Variants in CACNA2D4 observed in about 807,000 individuals in gnomAD.
CACNA2D4 encodes calcium voltage-gated channel auxiliary subunit alpha2delta 4, also known as voltage-dependent calcium channel subunit alpha-2/delta-4.
Under a neutral mutation model 163.8 loss-of-function variants are expected in CACNA2D4, and 157 were observed. The observed-to-expected ratio is 0.96, with a 90% CI of 0.84 to 1.09. CACNA2D4 has a LOEUF of 1.09. Among genes scored for constraint, CACNA2D4 ranks in the 50% least tolerant of loss-of-function variants. CACNA2D4 has a pLI of 0.00. For missense variants in CACNA2D4, 1,410 were observed against 1,479.9 expected (o/e 0.95, Z 0.78); for synonymous variants, 598 against 586.9 (o/e 1.02, Z -0.27).
chr12:1,916,165 G>A (rs1866972092), intron 1 of CACNA2D4, among the ~76,000 whole-genome samples: 1 of 152,108 alleles, frequency 6.6e-6, no homozygotes, highest in Non-Finnish European at 1.5e-5. Flanking sequence ...TTGACCTGAT[G>A]GTGTTGTTAC....
chr12:1,831,038 T>TGGCCTC, intron 26 of CACNA2D4: 1 of 1,614,090 alleles, frequency 6.2e-7, no homozygotes, highest in Non-Finnish European at 8.5e-7. Context: ...GCAGTGGCCT[T>TGGCCTC]GGCCTCACCA....
chr12:1,914,783 C>A, intron 2 of CACNA2D4, 71 bp downstream of exon 2: 1 of 1,017,418 alleles, frequency 9.8e-7, no homozygotes, highest in Non-Finnish European at 1.6e-6. Flanking sequence ...CTCACAGCAC[C>A]GGCATTTGGG....
In CACNA2D4 at chr12:1,834,619, C is replaced by T. The variant is rs1450877237; in HGVS notation, c.2551+6120G>A. On this transcript the variant is annotated intron_variant, in intron 26 of 37. Transcript: ENST00000382722. This position sits in a 1 kb window ranked among gnomAD's most constrained non-coding sequence, Gnocchi z 7.6. Reference sequence around the variant, plus strand: ...CTGCCTATGGCTGCATCTACGCCTCCCTCATGGCCAAGTACCACCGGGAGC... The same window carrying T: ...CTGCCTATGGCTGCATCTACGCCTCTCTCATGGCCAAGTACCACCGGGAGC... 2 of 1,600,122 alleles carry T rather than the reference C, an allele frequency of 1.2e-6. No homozygotes were observed. Among genetic ancestry groups the T allele is most frequent in the South Asian group, 1.1e-5 (1 of 91,084 alleles).
At chr12:1,860,292 C>G in intron 18 of CACNA2D4, 86 bp from the exon 19 acceptor site, 1 of 961,278 alleles carries the variant, frequency 1.0e-6, no homozygotes, top group Non-Finnish European at 1.6e-6. Flanking sequence ...TTGGGGTCTT[C>G]ATCGTCACTG....
chr12:1,863,021 A>C (rs1413793105), intron 18 of CACNA2D4, among the ~76,000 whole-genome samples: 1 of 152,188 alleles, frequency 6.6e-6, no homozygotes, highest in Non-Finnish European at 1.5e-5. Flanking sequence ...CAGGTTGAGA[A>C]GATTTTCCCC....
intron 6 of CACNA2D4, among the ~76,000 whole-genome samples, chr12:1,893,084 A>AT (rs1170932714): frequency 6.6e-6 from 1 of 152,224 alleles, no homozygotes; most frequent in East Asian, 1.9e-4. Context: ...TATGTAGATA[A>AT]TTTAGACAGA....
rs1286149842 is a variant in CACNA2D4 at position 1,802,661 on chromosome 12, G to T, written c.2722-1017C>A. Among the ~76,000 whole-genome samples, 1 of 152,222 alleles carries T rather than the reference G, an allele frequency of 6.6e-6. No individual in the cohort carries two copies. Among genetic ancestry groups the T allele is most frequent in the Non-Finnish European group, 1.5e-5 (1 of 68,034 alleles). On this transcript the variant is annotated intron_variant, in intron 29 of 37. Transcript: ENST00000382722. This position sits in a 1 kb window ranked among gnomAD's most constrained non-coding sequence, Gnocchi z 4.7. ...GGGGATAGCGTGTGTCCGGCGTGTG[G>T]CTCCCAGTAAATACTTGAAAAATGG...
rs1219141616 is a variant in CACNA2D4 at position 1,904,843 on chromosome 12, A to G, written c.781+2597T>C. ...AGTAATGCAGAAAATGATGGACAAA[A>G]AAGCTTAAGGCTTATAGAAAACAAA... On this transcript the variant is annotated intron_variant, in intron 6 of 37. Coordinates refer to ENST00000382722, the MANE Select transcript of CACNA2D4 (RefSeq NM_172364.5). 2.0e-5 allele frequency among the ~76,000 whole-genome samples: 3 copies of G among 152,240 alleles called. No individual in the cohort carries two copies. The East Asian group carries it at 5.8e-4, about 29-fold the overall frequency.
intron 6 of CACNA2D4, among the ~76,000 whole-genome samples, chr12:1,901,483 A>T (rs1304405340): frequency 6.6e-6 from 1 of 152,004 alleles, no homozygotes; most frequent in East Asian, 1.9e-4. Flanking sequence ...ACTTAAATAT[A>T]TAAAATCATA....
intron 13 of CACNA2D4, among the ~76,000 whole-genome samples, chr12:1,880,319 T>C (rs577341514): frequency 2.0e-5 from 3 of 152,340 alleles, no homozygotes; most frequent in Non-Finnish European, 2.9e-5. Context: ...AGGGAGGACA[T>C]TGACCCAGAG....
At chr12:1,858,710 G>T in intron 19 of CACNA2D4, 66 bp from the exon 20 acceptor site, 2 of 1,328,124 alleles carry the variant, frequency 1.5e-6, no homozygotes, top group Non-Finnish European at 2.1e-6. Context: ...CCCGGGCCTC[G>T]TCCTTGCCCT....
At position 1,820,277 on chromosome 12, in the gene CACNA2D4, G is replaced by T; in HGVS notation, c.2552-8554C>A. ...GGTGAGGGAGAGCCTGGAGGCGCAGGATGGAAGATGGAGGTGGTGGTGAAA... is the reference window on the plus strand; with the variant it reads ...GGTGAGGGAGAGCCTGGAGGCGCAGTATGGAAGATGGAGGTGGTGGTGAAA... On this transcript the variant is annotated intron_variant, in intron 26 of 37. Coordinates refer to ENST00000382722, the MANE Select transcript of CACNA2D4 (RefSeq NM_172364.5). This position sits in a 1 kb window ranked among gnomAD's most constrained non-coding sequence, Gnocchi z 6.0. 6.6e-6 allele frequency: 1 copy of T among 152,358 alleles called. No homozygotes were observed. The allele number at this position is 152,358 out of a possible 1,614,324, so 9.4% of individuals were successfully genotyped here.
At chr12:1,810,375 G>T in intron 28 of CACNA2D4, 35 bp from the exon 29 acceptor site, 1 of 1,595,680 alleles carries the variant, frequency 6.3e-7, no homozygotes, top group Non-Finnish European at 8.6e-7. Context: ...TTATGCCAGG[G>T]CCCTCACCCA....
intron 12 of CACNA2D4, 143 bp downstream of exon 12, chr12:1,884,100 G>T: frequency 1.6e-6 from 1 of 609,516 alleles, no homozygotes; most frequent in Non-Finnish European, 2.9e-6. Context: ...TATGAAGGAG[G>T]GACTGAGGCT....
intron 1 of CACNA2D4, among the ~76,000 whole-genome samples, chr12:1,916,199 A>G (rs1289236805): frequency 6.6e-6 from 1 of 152,120 alleles, no homozygotes; most frequent in East Asian, 1.9e-4. Flanking sequence ...GACTATCAGG[A>G]AGGGCAGGGG....
intron 6 of CACNA2D4, among the ~76,000 whole-genome samples, chr12:1,888,665 T>G (rs1053871000): frequency 6.6e-6 from 1 of 152,218 alleles, no homozygotes; most frequent in Non-Finnish European, 1.5e-5. Flanking sequence ...AAATGGATAG[T>G]GCTTTATTCA....
Position 1,829,382 on chromosome 12 carries a change from G to A in CACNA2D4, c.2551+11357C>T, listed in dbSNP as rs368036269. Among the ~76,000 whole-genome samples the A allele has an allele frequency of 1.4e-4, 21 of 152,218 alleles. No individual in the cohort carries two copies. Among genetic ancestry groups the A allele is most frequent in the East Asian group, 7.7e-4 (4 of 5,164 alleles). ...GGGGCTGGCTGATCTGGTAGCAGAC[G>A]GGCTCAGAGGGGTGAGAGGGTGAGC... On this transcript the variant is annotated intron_variant, in intron 26 of 37. Coordinates refer to ENST00000382722, the MANE Select transcript of CACNA2D4 (RefSeq NM_172364.5). The surrounding 1 kb of genome is among the most constrained non-coding windows in gnomAD (Gnocchi z 4.2).
chr12:1,804,786 G>C (rs141991822), intron 29 of CACNA2D4, among the ~76,000 whole-genome samples: 2 of 152,260 alleles, frequency 1.3e-5, no homozygotes, highest in East Asian at 1.9e-4. Context: ...GAAGGCAGGA[G>C]CCCCTCCAGC....
At chr12:1,891,942 C>T (rs1274496591) in intron 6 of CACNA2D4, among the ~76,000 whole-genome samples, 3 of 151,900 alleles carry the variant, frequency 2.0e-5, no homozygotes, top group Non-Finnish European at 4.4e-5. Context: ...ATTAAGTGGC[C>T]AAATGTTCAC....
Sources: gnomAD v4.1 joint callset for allele counts (sites outside exome capture counted in the v4.1 genomes callset) on GRCh38, gnomAD v4.1.1 for gene constraint, Gnocchi (gnomAD v3.1) non-coding constraint, MANE v1.5 for transcripts, NCBI Gene and HGNC (gene_info 2026-07-23, HGNC 2026-07-21) for gene names.